GRM3: variants seen among roughly 807,000 people sequenced by gnomAD.
GRM3 encodes metabotropic glutamate receptor 3.
Under a neutral mutation model 70.5 loss-of-function variants are expected in GRM3, and 26 were observed. That is an observed-to-expected ratio of 0.37 (90% CI 0.27 to 0.51). The LOEUF (loss-of-function observed/expected upper bound fraction) is 0.51. Ranked by LOEUF, GRM3 falls within the 20% of genes least tolerant of loss-of-function variation. The pLI, the probability that GRM3 is intolerant of heterozygous loss-of-function variation, is 0.93. For synonymous variants in GRM3, 443 were observed against 434.9 expected (o/e 1.02, Z -0.23); for missense variants, 859 against 1,123.8 (o/e 0.76, Z 3.37).
chr7:86,698,103 C>A lies in GRM3; in HGVS notation c.-141+53231C>A, dbSNP rs117599957. Among the ~76,000 whole-genome samples, 1,382 of 152,210 alleles carry A rather than the reference C, an allele frequency of 9.1e-3. 6 individuals carry two copies. The highest frequency in any genetic ancestry group is 0.014 in the Non-Finnish European group (985 of 67,998). On this transcript the variant is annotated intron_variant, in intron 1 of 5. Coordinates refer to ENST00000361669, the MANE Select transcript of GRM3 (RefSeq NM_000840.3). The stretch of plus-strand genomic sequence containing the variant: ...AATTAAACTGAAACAGACATTTTAA[C>A]AATAATATCCTTTTACCCGTCCATT...
At chr7:86,681,398 C>A (rs762267720) in intron 1 of GRM3, among the ~76,000 whole-genome samples, 2 of 152,090 alleles carry the variant, frequency 1.3e-5, no homozygotes, top group African/African-American at 4.8e-5. Flanking sequence ...ATCTCATTCA[C>A]GTTTTCTTTT....
chr7:86,688,221 AAAAAAAAT>A (rs1562826047), intron 1 of GRM3, among the ~76,000 whole-genome samples: 1 of 151,606 alleles, frequency 6.6e-6, no homozygotes, highest in African/African-American at 2.4e-5. Flanking sequence ...GTCAGACTTG[AAAAAAAAT>A]GCAGTTTTAT....
Position 86,644,410 on chromosome 7 carries a change from G to A in GRM3, c.-603G>A. 3.0e-6 allele frequency: 1 copy of A among 334,694 alleles called. No individual in the cohort carries two copies. Among genetic ancestry groups the A allele is most frequent in the South Asian group, 2.3e-5 (1 of 44,100 alleles). The allele number at this position is 334,694 out of a possible 1,614,324, so 20.7% of individuals were successfully genotyped here. ...GTCCCAATTAGATGCGACGGCTTCAGCCTGGTCAAGGTGAAGGAAAGTTGC... is the reference window on the plus strand; with the variant it reads ...GTCCCAATTAGATGCGACGGCTTCAACCTGGTCAAGGTGAAGGAAAGTTGC... On this transcript the variant is annotated 5_prime_UTR_variant, in exon 1 of 6. Transcript: ENST00000361669.
At chr7:86,677,296 G>T (rs1247310292) in intron 1 of GRM3, among the ~76,000 whole-genome samples, 1 of 151,986 alleles carries the variant, frequency 6.6e-6, no homozygotes, top group Non-Finnish European at 1.5e-5. Context: ...GTTATGAGAA[G>T]TAGTTCCAGA....
In GRM3 at chr7:86,843,180, T is replaced by C. The variant is rs142316578; in HGVS notation, c.2391+3275T>C. On this transcript the variant is annotated intron_variant, in intron 4 of 5. Coordinates refer to ENST00000361669, the MANE Select transcript of GRM3 (RefSeq NM_000840.3). ...TTCCTGATCAACTGACTCTGCTAGATGCTTTAAGTACATGAGCTCACTTAT... is the reference window on the plus strand; with the variant it reads ...TTCCTGATCAACTGACTCTGCTAGACGCTTTAAGTACATGAGCTCACTTAT... Among the ~76,000 whole-genome samples the C allele has an allele frequency of 2.2e-4, 34 of 152,338 alleles. No individual in the cohort carries two copies. In the East Asian group the frequency reaches 6.4e-3, roughly 28 times the overall value.
intron 1 of GRM3, among the ~76,000 whole-genome samples, chr7:86,716,408 C>T (rs978332970): frequency 2.0e-5 from 3 of 151,834 alleles, no homozygotes; most frequent in African/African-American, 4.8e-5. Flanking sequence ...TTGGATTTAT[C>T]GTCAGAAAAC....
Position 86,864,652 on chromosome 7 carries a change from A to AC in GRM3, c.*297_*298insC, listed in dbSNP as rs1491439499. On this transcript the variant is annotated 3_prime_UTR_variant, in exon 6 of 6. Coordinates refer to ENST00000361669, the MANE Select transcript of GRM3 (RefSeq NM_000840.3). ...CTACTAAAAAACAAAAAAAAAAAACAAAAAAAAAAAAACAAAAGAAAAAAA... is the reference window on the plus strand; with the variant it reads ...CTACTAAAAAACAAAAAAAAAAAACACAAAAAAAAAAAACAAAAGAAAAAAA... The AC allele has an allele frequency of 8.3e-5, 11 of 132,494 alleles. No homozygotes were observed. Among genetic ancestry groups the AC allele is most frequent in the African/African-American group, 4.7e-4 (10 of 21,458 alleles). 8.2% of individuals were successfully genotyped at this position (132,494 alleles called of 1,614,324 possible).
chr7:86,651,200 A>T (rs140669194), intron 1 of GRM3, among the ~76,000 whole-genome samples: 57 of 152,152 alleles, frequency 3.7e-4, no homozygotes, highest in Admixed American at 9.8e-4. Context: ...TTCTTTTCAC[A>T]CTTCTTTTCA....
At chr7:86,811,345 A>C (rs1032067094) in intron 3 of GRM3, among the ~76,000 whole-genome samples, 2 of 151,836 alleles carry the variant, frequency 1.3e-5, no homozygotes, top group Admixed American at 1.3e-4. Flanking sequence ...AGCCATTTTT[A>C]GACCAGCCCT....
At chr7:86,649,602 A>C (rs1793558175) in intron 1 of GRM3, among the ~76,000 whole-genome samples, 1 of 152,136 alleles carries the variant, frequency 6.6e-6, no homozygotes, top group African/African-American at 2.4e-5. Flanking sequence ...ACACACACAC[A>C]TATTTGAGTA....
chr7:86,798,773 C>T (rs765439358), intron 3 of GRM3, among the ~76,000 whole-genome samples: 2 of 152,188 alleles, frequency 1.3e-5, no homozygotes, highest in African/African-American at 2.4e-5. Context: ...ACCCAAATCT[C>T]ATCTTGAATT....
intron 1 of GRM3, among the ~76,000 whole-genome samples, chr7:86,743,203 TC>T (rs1796027101): frequency 6.6e-6 from 1 of 152,156 alleles, no homozygotes; most frequent in South Asian, 2.1e-4. Context: ...TATATAGGTT[TC>T]AATATCAGGT....
In GRM3 at chr7:86,655,654, T is replaced by C. The variant is rs146419550; in HGVS notation, c.-141+10782T>C. Among the ~76,000 whole-genome samples, 33 of 152,226 alleles carry C rather than the reference T, an allele frequency of 2.2e-4. No individual in the cohort carries two copies. In the East Asian group the frequency reaches 6.2e-3, roughly 29 times the overall value. ...AAGTAAGAAGCTGAAAAAGTAAGCT[T>C]AAAAGTCTTATGGGTTTCATCCACC... On this transcript the variant is annotated intron_variant, in intron 1 of 5. Transcript: ENST00000361669.
intron 5 of GRM3, among the ~76,000 whole-genome samples, chr7:86,863,447 G>A (rs1470923133): frequency 6.6e-6 from 1 of 152,116 alleles, no homozygotes; most frequent in Non-Finnish European, 1.5e-5. Context: ...GAGGCTGAAA[G>A]TCTGAAAGGA....
At position 86,786,330 on chromosome 7, in the gene GRM3, G is replaced by A. The variant is rs1367849365; in HGVS notation, c.538G>A (p.Asp180Asn). The A allele has an allele frequency of 6.2e-7, 1 of 1,614,042 alleles. No individual in the cohort carries two copies. The highest frequency in any genetic ancestry group is 8.5e-7 in the Non-Finnish European group (1 of 1,180,008). Residue 180 changes from aspartate to asparagine, a missense_variant, in exon 3 of 6, where the codon GAT (aspartate) becomes AAT (asparagine). By Grantham distance (23) the Asp-to-Asn change is conservative. Coordinates refer to ENST00000361669, the MANE Select transcript of GRM3 (RefSeq NM_000840.3). The surrounding 1 kb of genome is among the most constrained non-coding windows in gnomAD (Gnocchi z 6.0). ...SYASTSAKLS[D>N]KSRYDYFART... ...CGCATCCACCAGCGCCAAACTCAGT[G>A]ATAAGTCGCGCTATGATTACTTTGC...
At chr7:86,713,261 C>T (rs1186638005) in intron 1 of GRM3, among the ~76,000 whole-genome samples, 1 of 151,906 alleles carries the variant, frequency 6.6e-6, no homozygotes, top group Non-Finnish European at 1.5e-5. Flanking sequence ...TACCTGTTAG[C>T]CTTTTGTATG....
intron 1 of GRM3, among the ~76,000 whole-genome samples, chr7:86,764,746 CT>C (rs1313060770): frequency 5.3e-5 from 8 of 152,060 alleles, no homozygotes; most frequent in African/African-American, 1.7e-4. Flanking sequence ...CAAACCCAAT[CT>C]GCAATAAGTA....
chr7:86,670,678 A>G (rs1469452735), intron 1 of GRM3, among the ~76,000 whole-genome samples: 1 of 152,172 alleles, frequency 6.6e-6, no homozygotes, highest in Non-Finnish European at 1.5e-5. Flanking sequence ...TCTTGTACAT[A>G]TCAATCAGAT....
intron 5 of GRM3, among the ~76,000 whole-genome samples, chr7:86,855,028 A>G (rs1798820898): frequency 6.6e-6 from 1 of 152,188 alleles, no homozygotes; most frequent in Non-Finnish European, 1.5e-5. Context: ...ATGGCAGTAT[A>G]ACTCACAGAC....
Sources: gnomAD v4.1 joint callset for allele counts (sites outside exome capture counted in the v4.1 genomes callset) on GRCh38, gnomAD v4.1.1 for gene constraint, Gnocchi (gnomAD v3.1) non-coding constraint, MANE v1.5 for transcripts, NCBI Gene and HGNC (gene_info 2026-07-23, HGNC 2026-07-21) for gene names.